The following RAB11FIP3 variants were observed in gnomAD, a reference collection of about 807,000 sequenced individuals.
RAB11FIP3 encodes the protein rab11 family-interacting protein 3.
RAB11FIP3 carries 17 observed loss-of-function variants against 77.8 expected under a neutral mutation model. That is an observed-to-expected ratio of 0.22 (90% CI 0.15 to 0.33). The LOEUF is 0.33. RAB11FIP3 is among the 10% of genes least tolerant of loss of function. The pLI is 1.00. For synonymous variants in RAB11FIP3, 437 were observed against 448.2 expected, an observed-to-expected ratio of 0.98 and a Z score of 0.31; for missense variants, 1,005 against 1,011.2, an observed-to-expected ratio of 0.99 and a Z score of 0.08.
intron 1 of RAB11FIP3, among the ~76,000 whole-genome samples, chr16:446,781 C>T (rs1404069658): frequency 6.6e-6 from 1 of 152,000 alleles, no homozygotes; most frequent in African/African-American, 2.4e-5. Flanking sequence ...CTGCAACCTC[C>T]GCCTCCTAGT....
At chr16:454,350 G>C (rs1391444588) in intron 1 of RAB11FIP3, among the ~76,000 whole-genome samples, 2 of 152,266 alleles carry the variant, frequency 1.3e-5, no homozygotes, top group Non-Finnish European at 2.9e-5. Flanking sequence ...AGGTCAGTTG[G>C]AGGATTGCTG....
In RAB11FIP3 at chr16:471,086, C is replaced by CA. The variant is rs2141682158; in HGVS notation, c.809-207dup. Among the ~76,000 whole-genome samples, 1 of 152,094 alleles carries CA rather than the reference C, an allele frequency of 6.6e-6. No homozygotes were observed. Among genetic ancestry groups the CA allele is most frequent in the East Asian group, 1.9e-4 (1 of 5,182 alleles). On this transcript the variant is annotated intron_variant, in intron 2 of 13. Coordinates refer to ENST00000262305, the MANE Select transcript of RAB11FIP3 (RefSeq NM_014700.4). The surrounding 1 kb of genome is among the most constrained non-coding windows in gnomAD (Gnocchi z 4.4). ...TCTCCAGAAGCCTTGTTCCTGTGGG[C>CA]AACGCATCTCTGACCCGTTGGCAAG...
In RAB11FIP3 at chr16:426,561, G is replaced by A. The variant is rs200304295; in HGVS notation, c.555G>A (p.Ser185=). The A allele has an allele frequency of 1.9e-6, 3 of 1,588,974 alleles. No homozygotes were observed. In the South Asian group the frequency reaches 3.4e-5, roughly 18 times the overall value. Residue 185 remains serine, a synonymous_variant, in exon 1 of 14, where the codon TCG becomes TCA. Transcript: ENST00000262305. This position sits in a 1 kb window ranked among gnomAD's most constrained non-coding sequence, Gnocchi z 5.0. ...GTCCCGGGTCCCCGCCGCAGCCCTC[G>A]GACCTCAGCCAGACCCACCCCCTTC... ...EQGPGSPPQP[S]DLSQTHPLPS...
At chr16:479,398 AAC>A (rs2141716059) in intron 3 of RAB11FIP3, among the ~76,000 whole-genome samples, 1 of 152,240 alleles carries the variant, frequency 6.6e-6, no homozygotes, top group Admixed American at 6.5e-5. Context: ...TCTCAAAAAA[AAC>A]ACAGCAGTAA....
At chr16:487,369 G>A (rs1567386923) in intron 4 of RAB11FIP3, among the ~76,000 whole-genome samples, 2 of 152,016 alleles carry the variant, frequency 1.3e-5, no homozygotes, top group East Asian at 1.9e-4. Flanking sequence ...TGATCTGCCC[G>A]CCTCGGCCTC....
chr16:503,037 G>A lies in RAB11FIP3; in HGVS notation c.1335G>A (p.Glu445=), dbSNP rs774464347. 3.7e-6 allele frequency: 6 copies of A among 1,613,034 alleles called. No homozygotes were observed. Among genetic ancestry groups the A allele is most frequent in the Non-Finnish European group, 5.1e-6 (6 of 1,179,692 alleles). The change falls in exon 7 of 14, where the codon GAG becomes GAA. Residue 445 remains glutamate, a synonymous_variant. Coordinates refer to ENST00000262305, the MANE Select transcript of RAB11FIP3 (RefSeq NM_014700.4). ...ACCAGTCAGGGGCCCTGACCATGGA[G>A]GCCCTGGAGGACCCTTCCCCCGAGC... The part of the protein sequence containing the change: ...YLHQSGALTM[E]ALEDPSPELM...
rs569557276 is a variant in RAB11FIP3 at position 488,534 on chromosome 16, G to A, written c.1116-317G>A. 1.1e-4 allele frequency among the ~76,000 whole-genome samples: 17 copies of A among 151,964 alleles called. No individual in the cohort carries two copies. In the Middle Eastern group the frequency reaches 0.014, roughly 122 times the overall value. ...AGCGATCTTCCCACTTCAGCCTCCC[G>A]AGTACCTGGGACTACAGTCGTGCGC... is the stretch of plus-strand genomic sequence containing the variant. On this transcript the variant is annotated intron_variant, in intron 4 of 13. Coordinates refer to ENST00000262305, the MANE Select transcript of RAB11FIP3 (RefSeq NM_014700.4).
rs1205423918 is a variant in RAB11FIP3, at chr16:472,489, A to G, written c.903+1100A>G. On this transcript the variant is annotated intron_variant, in intron 3 of 13. Transcript: ENST00000262305. The surrounding 1 kb of genome is among the most constrained non-coding windows in gnomAD (Gnocchi z 4.1). ...ACCCTCTCGCATGGCTGCAGTGTGC[A>G]GAACGTGCTGGGAGACCCCAGGACT... Among the ~76,000 whole-genome samples the G allele has an allele frequency of 6.6e-6, 1 of 152,202 alleles. No individual in the cohort carries two copies. The highest frequency in any genetic ancestry group is 1.5e-5 in the Non-Finnish European group (1 of 68,026).
At chr16:468,114 GCC>G (rs1567374183) in intron 2 of RAB11FIP3, among the ~76,000 whole-genome samples, 4 of 36,334 alleles carry the variant, frequency 1.1e-4, no homozygotes, top group Non-Finnish European at 1.2e-4. Context: ...AGGTGCTGGG[GCC>G]TCAGGGAGGA....
intron 3 of RAB11FIP3, chr16:475,199 C>T: frequency 7.5e-7 from 1 of 1,335,772 alleles, no homozygotes; most frequent in Non-Finnish European, 9.8e-7. Flanking sequence ...GTGTTGGCCC[C>T]ACTTGAGTTA....
At chr16:516,046 G>A (rs985353545) in intron 9 of RAB11FIP3, among the ~76,000 whole-genome samples, 3 of 152,232 alleles carry the variant, frequency 2.0e-5, no homozygotes, top group African/African-American at 7.2e-5. Flanking sequence ...CCTGTCCCGG[G>A]CACCCCGTGG....
intron 2 of RAB11FIP3, among the ~76,000 whole-genome samples, chr16:469,863 G>C (rs1329268131): frequency 2.0e-5 from 3 of 152,014 alleles, no homozygotes; most frequent in Non-Finnish European, 2.9e-5. Context: ...GTCTTGCTCT[G>C]TCACTCAGGC....
rs1243390542 is a variant in RAB11FIP3, at chr16:514,622, G to C, written c.1640+3822G>C. 1.3e-5 allele frequency among the ~76,000 whole-genome samples: 2 copies of C among 152,194 alleles called. No homozygotes were observed. The highest frequency in any genetic ancestry group is 2.9e-5 in the Non-Finnish European group (2 of 68,030). ...GAGAATATGTGTCATCAGCAGAATG[G>C]GGCTGTACGAAGGTCACAGGCAGAG... On this transcript the variant is annotated intron_variant, in intron 9 of 13. Transcript: ENST00000262305. This position sits in a 1 kb window ranked among gnomAD's most constrained non-coding sequence, Gnocchi z 4.6.
chr16:503,188 A>T, intron 7 of RAB11FIP3, 91 bp downstream of exon 7: 1 of 1,039,404 alleles, frequency 9.6e-7, no homozygotes, highest in Non-Finnish European at 1.4e-6. Flanking sequence ...GGAGGTGGGG[A>T]CAGCACAGCC....
At chr16:516,769 C>T (rs1328078186) in intron 9 of RAB11FIP3, among the ~76,000 whole-genome samples, 4 of 152,164 alleles carry the variant, frequency 2.6e-5, no homozygotes, top group African/African-American at 7.2e-5. Flanking sequence ...CCCAGCTATT[C>T]GGGAGGCTGA....
At chr16:427,462 G>A (rs576691440) in intron 1 of RAB11FIP3, among the ~76,000 whole-genome samples, 1 of 152,218 alleles carries the variant, frequency 6.6e-6, no homozygotes, top group Non-Finnish European at 1.5e-5. Flanking sequence ...AGGGGTCCAC[G>A]CGGTCCTCAG....
chr16:432,336 C>G (rs2141841644), intron 1 of RAB11FIP3, among the ~76,000 whole-genome samples: 1 of 152,088 alleles, frequency 6.6e-6, no homozygotes, highest in Admixed American at 6.5e-5. Flanking sequence ...GAGATCTTGC[C>G]ATTGCACTCC....
intron 3 of RAB11FIP3, chr16:475,115 G>A (rs1301213375): frequency 2.6e-6 from 4 of 1,547,104 alleles, no homozygotes; most frequent in Admixed American, 2.0e-5. Context: ...GGAGGCAGTA[G>A]TGTGCACTGT....
At chr16:463,430 G>GTTTT (rs142875972) in intron 2 of RAB11FIP3, among the ~76,000 whole-genome samples, 3 of 82,272 alleles carry the variant, frequency 3.6e-5, no homozygotes, top group South Asian at 4.2e-4. Flanking sequence ...TTGTTCCCCG[G>GTTTT]TTTTTTTTTT....
Sources: allele counts gnomAD v4.1 joint callset (sites outside exome capture counted in the v4.1 genomes callset), GRCh38; gene constraint gnomAD v4.1.1; non-coding constraint Gnocchi (gnomAD v3.1); transcripts MANE v1.5; gene names NCBI Gene and HGNC (gene_info 2026-07-23, HGNC 2026-07-21).